The following C16orf96 variants were observed in gnomAD, a reference collection of about 807,000 sequenced individuals.
The protein encoded by C16orf96 is uncharacterized protein C16orf96.
In C16orf96, 108 loss-of-function variants were observed where a neutral mutation model predicts 103.6. The observed-to-expected ratio is 1.04, with a 90% CI of 0.89 to 1.22. The LOEUF is 1.22. Ranked by LOEUF, C16orf96 falls within the 50% of genes most tolerant of loss-of-function variation. C16orf96 has a pLI of 0.00. For synonymous variants in C16orf96, 566 were observed against 593.5 expected (o/e 0.95, Z 0.67); for missense variants, 1,586 against 1,464.2 (o/e 1.08, Z -1.36).
chr16:4,566,901 G>T (rs1049077185), intron 1 of C16orf96, among the ~76,000 whole-genome samples: 3 of 151,804 alleles, frequency 2.0e-5, no homozygotes, highest in African/African-American at 7.3e-5. Flanking sequence ...CTGATTCTTG[G>T]CCAATCTAGC....
the C16orf96 span, among the ~76,000 whole-genome samples, chr16:4,544,570 C>T: frequency 6.6e-6 from 1 of 152,290 alleles, no homozygotes; most frequent in East Asian, 1.9e-4. Flanking sequence ...GATCACGCTG[C>T]TGCACTCCAG....
the C16orf96 span, among the ~76,000 whole-genome samples, chr16:4,544,864 T>C: frequency 6.6e-6 from 1 of 152,042 alleles, no homozygotes; most frequent in South Asian, 2.1e-4. Context: ...GGGGACTAGA[T>C]GAGACGATTG....
At chr16:4,560,900 T>G (rs1289999810) in intron 1 of C16orf96, 1 of 152,184 alleles carries the variant, frequency 6.6e-6, no homozygotes, top group Admixed American at 6.6e-5. Flanking sequence ...ACCCCTATAA[T>G]CCCAACACTT....
chr16:4,575,524 T>C lies in C16orf96; in HGVS notation c.1044T>C (p.Pro348=). 6.5e-7 allele frequency: 1 copy of C among 1,545,342 alleles called. No homozygotes were observed. Among genetic ancestry groups the C allele is most frequent in the Non-Finnish European group, 8.7e-7 (1 of 1,145,792 alleles). ...LELGLELEPV[P]ALGPVPGPSV... is the part of the protein sequence containing the mutation. Reference sequence around the variant, plus strand: ...TGGGGCTGGAGCTGGAGCCTGTGCCTGCCCTGGGGCCTGTCCCAGGGCCCA... The same window carrying C: ...TGGGGCTGGAGCTGGAGCCTGTGCCCGCCCTGGGGCCTGTCCCAGGGCCCA... Residue 348 remains proline (P), a synonymous_variant, in exon 5 of 16, where the codon CCT becomes CCC. Coordinates refer to ENST00000444310, the MANE Select transcript of C16orf96 (RefSeq NM_001145011.2).
At chr16:4,571,983 G>C (rs1367589928) in intron 2 of C16orf96, among the ~76,000 whole-genome samples, 1 of 151,918 alleles carries the variant, frequency 6.6e-6, no homozygotes, top group Non-Finnish European at 1.5e-5. Context: ...CCGAGTAGCT[G>C]GGATTACAGG....
chr16:4,544,106 G>T, the C16orf96 span, among the ~76,000 whole-genome samples: 8 of 152,240 alleles, frequency 5.3e-5, no homozygotes, highest in Admixed American at 4.6e-4. Context: ...GTAGGCAAAG[G>T]GTTGGTCCCA....
At chr16:4,544,232 C>A in the C16orf96 span, among the ~76,000 whole-genome samples, 1 of 152,154 alleles carries the variant, frequency 6.6e-6, no homozygotes, top group South Asian at 2.1e-4. Context: ...GGTTTGAGAG[C>A]CAGTGAGAAC....
At chr16:4,587,196 C>A in intron 8 of C16orf96, 83 bp downstream of exon 8, 1 of 1,298,194 alleles carries the variant, frequency 7.7e-7, no homozygotes, top group Non-Finnish European at 1.1e-6. Context: ...ACCAAAGAGT[C>A]TTCCAGAATT....
intron 14 of C16orf96, among the ~76,000 whole-genome samples, chr16:4,598,170 C>T (rs1396918577): frequency 2.0e-5 from 3 of 151,852 alleles, no homozygotes; most frequent in African/African-American, 7.3e-5. Context: ...TGGGCAACAT[C>T]GTGAAACCCC....
intron 12 of C16orf96, 130 bp from the exon 13 acceptor site, chr16:4,594,221 G>T: frequency 3.7e-6 from 4 of 1,087,300 alleles, no homozygotes; most frequent in Non-Finnish European, 5.2e-6. Context: ...GGCCTGCCTG[G>T]CTGTGCCAGC....
the C16orf96 span, among the ~76,000 whole-genome samples, chr16:4,546,189 G>C: frequency 7.1e-6 from 1 of 141,410 alleles, no homozygotes; most frequent in Non-Finnish European, 1.5e-5. Flanking sequence ...GACGGAGTCT[G>C]GCTCTGTCAC....
chr16:4,587,603 T>C (rs1410386080), intron 8 of C16orf96, among the ~76,000 whole-genome samples: 1 of 151,126 alleles, frequency 6.6e-6, no homozygotes, highest in Non-Finnish European at 1.5e-5. Flanking sequence ...TCAACTCCCA[T>C]TTTCAGCAAT....
intron 7 of C16orf96, among the ~76,000 whole-genome samples, chr16:4,580,396 T>G (rs1207654426): frequency 7.4e-6 from 1 of 135,280 alleles, no homozygotes; most frequent in Non-Finnish European, 1.5e-5. Context: ...AGGGCAGGGG[T>G]AGTGAAGGCT....
At position 4,591,797 on chromosome 16, in the gene C16orf96, C is replaced by A. The variant is rs1897065570; in HGVS notation, c.2711+13C>A. 1 of 1,478,476 alleles carries A rather than the reference C, an allele frequency of 6.8e-7. No homozygotes were observed. The highest frequency in any genetic ancestry group is 1.5e-5 in the African/African-American group (1 of 68,008). 91.6% of individuals were successfully genotyped at this position (1,478,476 alleles called of 1,614,324 possible). A position where few individuals can be genotyped will look rare whatever the true frequency, so the allele number is the denominator to read the frequency against. On this transcript the variant is annotated intron_variant, in intron 10 of 15. Coordinates refer to ENST00000444310, the MANE Select transcript of C16orf96 (RefSeq NM_001145011.2). ...CTGGCTTTAGGAGGTGAGTGCCCGCCCGAGCCCCTCCTGGTAGGGGTCCTG... is the reference window on the plus strand; with the variant it reads ...CTGGCTTTAGGAGGTGAGTGCCCGCACGAGCCCCTCCTGGTAGGGGTCCTG...
chr16:4,582,290 AAATAAATAAATAAATAAAT>A (rs1266998828), intron 7 of C16orf96, among the ~76,000 whole-genome samples: 24 of 1,750 alleles, frequency 0.014, no homozygotes, highest in South Asian at 0.5. Context: ...CTCAAAAAAT[AAATAAATAAATAAATAAAT>A]AAATAAATAA....
intron 1 of C16orf96, among the ~76,000 whole-genome samples, chr16:4,558,363 C>G (rs549644991): frequency 1.3e-5 from 2 of 152,332 alleles, no homozygotes; most frequent in East Asian, 1.9e-4. Context: ...CACCTATAAT[C>G]CCAACACTGG....
intron 10 of C16orf96, 149 bp from the exon 11 acceptor site, chr16:4,592,156 A>G: frequency 1.1e-6 from 1 of 899,566 alleles, no homozygotes; most frequent in Non-Finnish European, 1.7e-6. Flanking sequence ...AGAAACCACA[A>G]GAGTGGTTGG....
chr16:4,539,684 CAAAA>C, the C16orf96 span, among the ~76,000 whole-genome samples: 9 of 151,630 alleles, frequency 5.9e-5, no homozygotes, highest in African/African-American at 2.2e-4. Context: ...GACTCCATCT[CAAAA>C]AAAGAAAGAA....
chr16:4,591,947 C>G (rs566064531), intron 10 of C16orf96, among the ~76,000 whole-genome samples, 163 bp downstream of exon 10: 57 of 152,228 alleles, frequency 3.7e-4, no homozygotes, highest in African/African-American at 1.4e-3. Flanking sequence ...CTGGCCTGAG[C>G]TGGCAGAGGT....
Sources: gnomAD v4.1 joint callset for allele counts (sites outside exome capture counted in the v4.1 genomes callset) on GRCh38, gnomAD v4.1.1 for gene constraint, MANE v1.5 for transcripts, NCBI Gene and HGNC (gene_info 2026-07-23, HGNC 2026-07-21) for gene names.